The following CASK variants were observed in gnomAD, a reference collection of about 807,000 sequenced individuals.
CASK encodes the protein peripheral plasma membrane protein CASK.
In CASK, 4 loss-of-function variants were observed where a neutral mutation model predicts 82.9. The ratio of observed to expected loss-of-function variants is 0.05; its 90% CI spans 0.02 to 0.11. The LOEUF is 0.11. Among genes scored for constraint, CASK ranks in the 10% least tolerant of loss-of-function variants. The pLI is 1.00. For synonymous variants in CASK, 259 were observed against 253.5 expected, an observed-to-expected ratio of 1.02 and a Z score of -0.20; for missense variants, 358 against 720.9, an observed-to-expected ratio of 0.50 and a Z score of 5.76.
At chrX:41,548,174 T>C (rs1339434083) in intron 21 of CASK, among the ~76,000 whole-genome samples, 1 of 112,158 alleles carries the variant, frequency 8.9e-6, no homozygotes, top group African/African-American at 3.2e-5. Context: ...TCTATTGATA[T>C]GACTATGTGG....
chrX:41,780,456 T>C (rs2069451465), intron 3 of CASK, among the ~76,000 whole-genome samples: 1 of 111,424 alleles, frequency 9.0e-6, no homozygotes, highest in Admixed American at 9.6e-5. Context: ...TCTGCAAAAG[T>C]GAATGTCTAG....
At chrX:41,574,877 C>T (rs977239047) in intron 15 of CASK, among the ~76,000 whole-genome samples, 21 of 112,252 alleles carry the variant, frequency 1.9e-4, no homozygotes, top group Non-Finnish European at 3.2e-4. Flanking sequence ...TACCACTCCA[C>T]AAACTATAAC....
intron 6 of CASK, among the ~76,000 whole-genome samples, chrX:41,667,576 T>C (rs1013154369): frequency 9.9e-5 from 11 of 111,613 alleles, no homozygotes; most frequent in Non-Finnish European, 1.9e-4. Context: ...TTTGAATCTT[T>C]ATGCGCACAA....
intron 5 of CASK, among the ~76,000 whole-genome samples, chrX:41,698,914 G>A (rs1195725148): frequency 1.8e-5 from 2 of 111,252 alleles, no homozygotes; most frequent in Non-Finnish European, 3.8e-5. Flanking sequence ...TGTATACAGT[G>A]CTCAGTTAAC....
chrX:41,606,624 G>A (rs1258965880), intron 12 of CASK, among the ~76,000 whole-genome samples: 8 of 111,093 alleles, frequency 7.2e-5, no homozygotes, highest in Non-Finnish European at 1.5e-4. Flanking sequence ...TCCAGGGCTC[G>A]GCCTCATAGT....
chrX:41,844,577 T>C (rs1264917984), intron 2 of CASK, among the ~76,000 whole-genome samples: 1 of 111,607 alleles, frequency 9.0e-6, no homozygotes, highest in Non-Finnish European at 1.9e-5. Flanking sequence ...TTATGGATTT[T>C]ATTACTTTGA....
intron 4 of CASK, among the ~76,000 whole-genome samples, chrX:41,740,738 G>T (rs1277177241): frequency 8.9e-6 from 1 of 112,156 alleles, no homozygotes; most frequent in African/African-American, 3.2e-5. Context: ...TCCTTACAAC[G>T]GGGCTTTAAG....
chrX:41,667,161 C>G (rs1187799993), intron 6 of CASK, among the ~76,000 whole-genome samples: 1 of 111,754 alleles, frequency 8.9e-6, no homozygotes, highest in East Asian at 2.8e-4. Flanking sequence ...CGAAGACTAC[C>G]CAATTCTGGA....
chrX:41,522,241 G>A (rs755891502), intron 26 of CASK: 1 of 111,932 alleles, frequency 8.9e-6, no homozygotes, highest in East Asian at 2.8e-4. Flanking sequence ...GTGAGATAAA[G>A]AGACTTGCTT....
intron 5 of CASK, among the ~76,000 whole-genome samples, chrX:41,694,882 G>A (rs1199898361): frequency 1.8e-5 from 2 of 111,750 alleles, no homozygotes; most frequent in East Asian, 2.8e-4. Flanking sequence ...CAAGTCACAC[G>A]CCATGTAGCA....
At chrX:41,773,730 A>G (rs2069294841) in intron 3 of CASK, among the ~76,000 whole-genome samples, 1 of 111,710 alleles carries the variant, frequency 9.0e-6, no homozygotes, top group South Asian at 3.7e-4. Flanking sequence ...GCTGCAGGCA[A>G]CTGTAATACA....
intron 5 of CASK, among the ~76,000 whole-genome samples, chrX:41,736,748 G>A (rs1363632996): frequency 2.7e-5 from 3 of 111,554 alleles, no homozygotes; most frequent in Non-Finnish European, 5.6e-5. Context: ...ATACTCCAAC[G>A]TAAGACTACT....
intron 1 of CASK, among the ~76,000 whole-genome samples, chrX:41,919,974 A>C (rs1159609165): frequency 8.9e-6 from 1 of 111,945 alleles, no homozygotes; most frequent in African/African-American, 3.2e-5. Flanking sequence ...ACCAAGGGGG[A>C]AAAAAACACA....
At chrX:41,553,574 A>G (rs2065126413) in intron 21 of CASK, 145 bp downstream of exon 21, 2 of 477,277 alleles carry the variant, frequency 4.2e-6, no homozygotes, top group Non-Finnish European at 7.2e-6. Flanking sequence ...GAATTCTTGG[A>G]TGACTAATTT....
intron 16 of CASK, among the ~76,000 whole-genome samples, chrX:41,566,969 C>G (rs1194194527): frequency 2.7e-5 from 3 of 111,903 alleles, no homozygotes; most frequent in Non-Finnish European, 5.6e-5. Flanking sequence ...ACAAACCTGA[C>G]AAAAACATGA....
chrX:41,821,373 T>C (rs2070537891), intron 2 of CASK, among the ~76,000 whole-genome samples: 1 of 111,879 alleles, frequency 8.9e-6, no homozygotes, highest in African/African-American at 3.2e-5. Context: ...AGAAATATCA[T>C]GACATACCCA....
At chrX:41,874,477 G>T (rs751667309) in intron 1 of CASK, among the ~76,000 whole-genome samples, 2 of 111,955 alleles carry the variant, frequency 1.8e-5, no homozygotes, top group South Asian at 7.4e-4. Context: ...TTCCACCCAT[G>T]ACCCTGCAAA....
At chrX:41,707,988 C>T (rs747744158) in intron 5 of CASK, among the ~76,000 whole-genome samples, 3 of 110,366 alleles carry the variant, frequency 2.7e-5, no homozygotes, top group Admixed American at 9.7e-5. Flanking sequence ...CGTGGTGGCG[C>T]GTGCCTGTAA....
At chrX:41,779,852 AAAT>A (rs1026230589) in intron 3 of CASK, among the ~76,000 whole-genome samples, 2 of 111,154 alleles carry the variant, frequency 1.8e-5, no homozygotes, top group African/African-American at 6.5e-5. Flanking sequence ...GACCAAAAAA[AAAT>A]AATAATAAAA....
Sources: gnomAD v4.1 joint callset for allele counts (sites outside exome capture counted in the v4.1 genomes callset) on GRCh38, gnomAD v4.1.1 for gene constraint, MANE v1.5 for transcripts, NCBI Gene and HGNC (gene_info 2026-07-23, HGNC 2026-07-21) for gene names.